The following TOX2 variants were observed in gnomAD, a reference collection of about 807,000 sequenced individuals.
TOX2 encodes the protein granulosa cell HMG box 1.
In TOX2, 15 loss-of-function variants were observed where a neutral mutation model predicts 47.4. The observed-to-expected ratio is 0.32, with a 90% CI of 0.21 to 0.49. The LOEUF (loss-of-function observed/expected upper bound fraction) is 0.49. Among genes scored for constraint, TOX2 ranks in the 20% least tolerant of loss-of-function variants. The probability of loss-of-function intolerance (pLI) is 0.99; values close to 1 mark genes in which losing one functional copy is unlikely to be tolerated. For missense variants in TOX2, 622 were observed against 673.1 expected, an observed-to-expected ratio of 0.92 and a Z score of 0.84; for synonymous variants, 290 against 296.6, an observed-to-expected ratio of 0.98 and a Z score of 0.23.
chr20:43,968,590 G>A (rs1341865975), intron 1 of TOX2, among the ~76,000 whole-genome samples: 1 of 152,148 alleles, frequency 6.6e-6, no homozygotes, highest in Non-Finnish European at 1.5e-5. Flanking sequence ...CGTCATGAAA[G>A]GGTTATCCCT....
intron 3 of TOX2, among the ~76,000 whole-genome samples, chr20:44,016,410 C>A (rs1364478150): frequency 6.6e-6 from 1 of 152,144 alleles, no homozygotes; most frequent in Non-Finnish European, 1.5e-5. Context: ...AGACGTGAGC[C>A]ACTATGCCTG....
chr20:43,979,115 G>T (rs773320882), intron 2 of TOX2, among the ~76,000 whole-genome samples: 1 of 152,162 alleles, frequency 6.6e-6, no homozygotes, highest in Non-Finnish European at 1.5e-5. Context: ...GGATTTGCAG[G>T]TTTGATGATG....
intron 1 of TOX2, among the ~76,000 whole-genome samples, chr20:43,958,946 C>T (rs2069712773): frequency 6.6e-6 from 1 of 152,234 alleles, no homozygotes; most frequent in African/African-American, 2.4e-5. Flanking sequence ...CTCATTGGCA[C>T]ATGCCATGCC....
At chr20:44,036,534 A>C (rs2071244091) in intron 3 of TOX2, among the ~76,000 whole-genome samples, 1 of 152,272 alleles carries the variant, frequency 6.6e-6, no homozygotes, top group African/African-American at 2.4e-5. Context: ...AGTGTCTGGC[A>C]AATGCTACCT....
At position 44,057,426 on chromosome 20, in the gene TOX2, G is replaced by A. The variant is rs1055788829; in HGVS notation, c.879+2900G>A. 2.0e-5 allele frequency among the ~76,000 whole-genome samples: 3 copies of A among 152,308 alleles called. No homozygotes were observed. In the East Asian group the frequency reaches 5.8e-4, roughly 29 times the overall value. ...AGTTTTTGAAATCACATTTAGAAATGTGACTTATATTCCTATTTTACTATT... is the reference window on the plus strand; with the variant it reads ...AGTTTTTGAAATCACATTTAGAAATATGACTTATATTCCTATTTTACTATT... On this transcript the variant is annotated intron_variant, in intron 5 of 8. Transcript: ENST00000341197.
chr20:43,999,156 T>C (rs1569080013), intron 2 of TOX2, among the ~76,000 whole-genome samples: 1 of 152,252 alleles, frequency 6.6e-6, no homozygotes, highest in Non-Finnish European at 1.5e-5. Flanking sequence ...ATTTTGTCTT[T>C]TAATAAAGCA....
chr20:44,045,984 GTTTGGAGAATACATTT>G (rs2071404058), intron 3 of TOX2, among the ~76,000 whole-genome samples: 1 of 152,186 alleles, frequency 6.6e-6, no homozygotes, highest in Non-Finnish European at 1.5e-5. Context: ...AGAGGAGAAT[GTTTGGAGAATACATTT>G]TAAAACCTTC....
chr20:44,041,507 G>T (rs1405556016), intron 3 of TOX2, among the ~76,000 whole-genome samples: 1 of 152,110 alleles, frequency 6.6e-6, no homozygotes, highest in Non-Finnish European at 1.5e-5. Flanking sequence ...GTTTTTGCTG[G>T]TTTTTATCTA....
At chr20:43,966,417 T>C (rs1002324587) in intron 1 of TOX2, among the ~76,000 whole-genome samples, 1 of 151,862 alleles carries the variant, frequency 6.6e-6, no homozygotes, top group Non-Finnish European at 1.5e-5. Flanking sequence ...TTTCGGTGGA[T>C]AGAGAAAGGG....
At chr20:43,937,374 G>A (rs1242737553) in intron 1 of TOX2, among the ~76,000 whole-genome samples, 1 of 152,156 alleles carries the variant, frequency 6.6e-6, no homozygotes, top group Non-Finnish European at 1.5e-5. Flanking sequence ...CCCACGGGCA[G>A]CTCCTGGGTT....
intron 3 of TOX2, among the ~76,000 whole-genome samples, chr20:44,026,250 G>GTATAC (rs2071066125): frequency 2.4e-5 from 2 of 82,952 alleles, no homozygotes; most frequent in African/African-American, 1.1e-4. Context: ...TATATATATA[G>GTATAC]ACACACACAC....
chr20:43,968,821 G>A (rs891292166), intron 1 of TOX2, among the ~76,000 whole-genome samples: 12 of 152,260 alleles, frequency 7.9e-5, no homozygotes, highest in South Asian at 2.1e-4. Flanking sequence ...TTCTCCTGGC[G>A]TTCATGGAAA....
At chr20:44,040,879 G>A (rs2071321418) in intron 3 of TOX2, among the ~76,000 whole-genome samples, 1 of 152,178 alleles carries the variant, frequency 6.6e-6, no homozygotes. Context: ...AAGTTTTTAA[G>A]AGACCTGGAG....
chr20:43,918,449 C>G (rs1469981039), intron 1 of TOX2, among the ~76,000 whole-genome samples: 1 of 152,146 alleles, frequency 6.6e-6, no homozygotes, highest in East Asian at 1.9e-4. Flanking sequence ...CAGGAAGTTC[C>G]CTCACATCCC....
At chr20:44,012,815 G>T (rs1311175563) in intron 3 of TOX2, among the ~76,000 whole-genome samples, 1 of 152,230 alleles carries the variant, frequency 6.6e-6, no homozygotes, top group Non-Finnish European at 1.5e-5. Context: ...GCCTAAGGGG[G>T]CTCAAATACT....
intron 1 of TOX2, among the ~76,000 whole-genome samples, chr20:43,969,938 C>T (rs993110536): frequency 2.6e-5 from 4 of 152,218 alleles, no homozygotes; most frequent in African/African-American, 9.6e-5. Context: ...TTGCCTGCCC[C>T]TAACACACTC....
intron 3 of TOX2, among the ~76,000 whole-genome samples, chr20:44,017,142 T>C (rs1216559742): frequency 6.6e-6 from 1 of 152,198 alleles, no homozygotes. Flanking sequence ...TATTAATTAC[T>C]GAATGAATGG....
At chr20:44,042,360 ATC>A in intron 3 of TOX2, among the ~76,000 whole-genome samples, 1 of 152,328 alleles carries the variant, frequency 6.6e-6, no homozygotes, top group East Asian at 1.9e-4. Flanking sequence ...GTGAAACCAT[ATC>A]AATATGTGAC....
chr20:43,955,493 T>A (rs1284095738), intron 1 of TOX2, among the ~76,000 whole-genome samples: 1 of 152,168 alleles, frequency 6.6e-6, no homozygotes, highest in Admixed American at 6.5e-5. Context: ...ACATTTCTGA[T>A]GTGAATTTAA....
Sources: gnomAD v4.1 joint callset for allele counts (sites outside exome capture counted in the v4.1 genomes callset) on GRCh38, gnomAD v4.1.1 for gene constraint, MANE v1.5 for transcripts, NCBI Gene and HGNC (gene_info 2026-07-23, HGNC 2026-07-21) for gene names.